Variants in GPC5 observed in about 807,000 individuals in gnomAD.
GPC5 encodes the protein glypican 5, also known as glypican-5.
In GPC5, 47 loss-of-function variants were observed where a neutral mutation model predicts 53.9. That is an observed-to-expected ratio of 0.87 (90% CI 0.69 to 1.11). GPC5 has a LOEUF of 1.11. Among genes scored for constraint, GPC5 ranks in the 50% most tolerant of loss-of-function variants. The probability of loss-of-function intolerance (pLI) is 0.00; values close to 1 mark genes in which losing one functional copy is unlikely to be tolerated. For synonymous variants in GPC5, 286 were observed against 263.3 expected (o/e 1.09, Z -0.84); for missense variants, 748 against 713.1 (o/e 1.05, Z -0.56).
At chr13:92,311,609 T>C (rs1034518885) in intron 7 of GPC5, among the ~76,000 whole-genome samples, 7 of 152,130 alleles carry the variant, frequency 4.6e-5, no homozygotes, top group African/African-American at 1.7e-4. Flanking sequence ...ACAAACAAAG[T>C]CACGTCTTAC....
chr13:92,480,751 G>GGGTA (rs374569095), intron 7 of GPC5, among the ~76,000 whole-genome samples: 2 of 152,054 alleles, frequency 1.3e-5, no homozygotes, highest in Admixed American at 1.3e-4. Flanking sequence ...TTACAGTCAG[G>GGGTA]CAACAAATCA....
At chr13:91,776,985 C>A (rs2037720625) in intron 5 of GPC5, among the ~76,000 whole-genome samples, 1 of 152,178 alleles carries the variant, frequency 6.6e-6, no homozygotes, top group African/African-American at 2.4e-5. Context: ...TAATGTGTAA[C>A]CGCCCAATAA....
intron 7 of GPC5, among the ~76,000 whole-genome samples, chr13:92,280,265 A>G (rs2042905090): frequency 6.6e-6 from 1 of 152,086 alleles, no homozygotes; most frequent in African/African-American, 2.4e-5. Flanking sequence ...TCTTCTTAGT[A>G]TAAGGATTTA....
chr13:91,798,487 C>T (rs928428986), intron 5 of GPC5, among the ~76,000 whole-genome samples: 29 of 152,154 alleles, frequency 1.9e-4, no homozygotes, highest in Non-Finnish European at 2.5e-4. Flanking sequence ...TAACAGCTTC[C>T]AGCTCCATCC....
At chr13:91,804,915 G>T (rs1315815260) in intron 5 of GPC5, among the ~76,000 whole-genome samples, 1 of 152,170 alleles carries the variant, frequency 6.6e-6, no homozygotes, top group Non-Finnish European at 1.5e-5. Flanking sequence ...TTGACATGAG[G>T]GCCATCTGGT....
intron 7 of GPC5, among the ~76,000 whole-genome samples, chr13:92,469,869 A>C (rs1433362850): frequency 2.6e-5 from 4 of 152,126 alleles, no homozygotes. Context: ...TGAGACAATG[A>C]GGTACATGTG....
intron 7 of GPC5, among the ~76,000 whole-genome samples, chr13:92,781,928 A>G (rs888690454): frequency 1.3e-5 from 2 of 152,200 alleles, no homozygotes; most frequent in Admixed American, 6.5e-5. Flanking sequence ...ATAATTATCA[A>G]TAATGTGCAC....
chr13:92,589,072 G>A (rs1883635723), intron 7 of GPC5, among the ~76,000 whole-genome samples: 2 of 152,138 alleles, frequency 1.3e-5, no homozygotes, highest in Admixed American at 1.3e-4. Context: ...CTGTACTAGA[G>A]GAACCATTCT....
intron 7 of GPC5, among the ~76,000 whole-genome samples, chr13:92,616,994 T>A (rs1208645313): frequency 1.3e-5 from 2 of 152,220 alleles, no homozygotes; most frequent in African/African-American, 4.8e-5. Flanking sequence ...GATGTTTCAT[T>A]ATATTAAAAA....
chr13:91,798,148 T>G (rs942460341), intron 5 of GPC5, among the ~76,000 whole-genome samples: 1 of 152,198 alleles, frequency 6.6e-6, no homozygotes, highest in Non-Finnish European at 1.5e-5. Flanking sequence ...ACTTTACATA[T>G]GCATCTCATT....
At chr13:91,510,751 A>C (rs1343197479) in intron 2 of GPC5, among the ~76,000 whole-genome samples, 1 of 152,060 alleles carries the variant, frequency 6.6e-6, no homozygotes, top group Non-Finnish European at 1.5e-5. Context: ...AACTATTTTT[A>C]GATTTTTGCT....
chr13:91,963,594 A>T (rs1474119270), intron 6 of GPC5, among the ~76,000 whole-genome samples: 1 of 152,158 alleles, frequency 6.6e-6, no homozygotes, highest in Non-Finnish European at 1.5e-5. Flanking sequence ...CAGCAGTTAG[A>T]CACAATAAAT....
intron 7 of GPC5, among the ~76,000 whole-genome samples, chr13:92,440,871 C>A (rs1877524219): frequency 6.6e-6 from 1 of 151,986 alleles, no homozygotes; most frequent in Non-Finnish European, 1.5e-5. Flanking sequence ...GTTTGTTGGC[C>A]ACTTGTATAT....
rs536326069 is a variant in GPC5, at chr13:91,959,238, C to T, written c.1401+51181C>T. Among the ~76,000 whole-genome samples the T allele has an allele frequency of 1.6e-3, 247 of 151,968 alleles. 1 individual carries two copies. The highest frequency in any genetic ancestry group is 5.9e-3 in the African/African-American group (243 of 41,486). ...ATGGGAAACACTTCAGCTGATACCA[C>T]AGAAATACAAAGATCATCAGAGATT... On this transcript the variant is annotated intron_variant, in intron 6 of 7. Transcript: ENST00000377067.
At chr13:92,106,912 T>A (rs1039194056) in intron 6 of GPC5, among the ~76,000 whole-genome samples, 2 of 152,134 alleles carry the variant, frequency 1.3e-5, no homozygotes, top group Admixed American at 6.6e-5. Context: ...TGACTCACCA[T>A]CACGGGTTCT....
intron 7 of GPC5, among the ~76,000 whole-genome samples, chr13:92,507,162 T>C (rs1220536891): frequency 6.6e-6 from 1 of 152,198 alleles, no homozygotes; most frequent in Non-Finnish European, 1.5e-5. Flanking sequence ...TCTGTCCTAA[T>C]CATTCTCTAC....
At chr13:92,211,762 G>A (rs1310636962) in intron 7 of GPC5, among the ~76,000 whole-genome samples, 1 of 149,562 alleles carries the variant, frequency 6.7e-6, no homozygotes, top group African/African-American at 2.6e-5. Flanking sequence ...CAATTAGATA[G>A]GAGCTCCTGA....
intron 2 of GPC5, among the ~76,000 whole-genome samples, chr13:91,572,231 GTATATACATGTGTA>G (rs2031944331): frequency 1.6e-5 from 2 of 128,060 alleles, no homozygotes; most frequent in African/African-American, 7.1e-5. Flanking sequence ...ATACACATAT[GTATATACATGTGTA>G]TATATATACA....
chr13:92,145,937 C>T (rs2041863820), intron 7 of GPC5, among the ~76,000 whole-genome samples: 2 of 152,086 alleles, frequency 1.3e-5, no homozygotes, highest in South Asian at 2.1e-4. Flanking sequence ...GAATTAAAAG[C>T]ACGATAAATG....
Sources: gnomAD v4.1 joint callset for allele counts (sites outside exome capture counted in the v4.1 genomes callset) on GRCh38, gnomAD v4.1.1 for gene constraint, MANE v1.5 for transcripts, NCBI Gene and HGNC (gene_info 2026-07-23, HGNC 2026-07-21) for gene names.